Variants in ZC3H7B observed in about 807,000 individuals in gnomAD.
ZC3H7B encodes zinc finger CCCH domain-containing protein 7B.
Under a neutral mutation model 116.0 loss-of-function variants are expected in ZC3H7B, and 35 were observed. The ratio of observed to expected loss-of-function variants is 0.30; its 90% CI spans 0.23 to 0.40. The LOEUF (loss-of-function observed/expected upper bound fraction) is 0.40. ZC3H7B is among the 10% of genes least tolerant of loss of function. The pLI is 1.00. For synonymous variants in ZC3H7B, 502 were observed against 545.6 expected, an observed-to-expected ratio of 0.92 and a Z score of 1.11; for missense variants, 1,011 against 1,321.5, an observed-to-expected ratio of 0.77 and a Z score of 3.64.
rs1211748269 is a variant in ZC3H7B at position 41,346,644 on chromosome 22, T to C, written c.1665+436T>C. 6.6e-6 allele frequency among the ~76,000 whole-genome samples: 1 copy of C among 151,904 alleles called. No homozygotes were observed. Among genetic ancestry groups the C allele is most frequent in the Non-Finnish European group, 1.5e-5 (1 of 67,960 alleles). The stretch of plus-strand genomic sequence containing the variant: ...CAGCCTGGCCAACACGGTGAAACCC[T>C]GTCTCTACTAAAAATACAAAAATTA... On this transcript the variant is annotated intron_variant, in intron 14 of 22. Transcript: ENST00000352645. This position sits in a 1 kb window ranked among gnomAD's most constrained non-coding sequence, Gnocchi z 5.3.
intron 14 of ZC3H7B, among the ~76,000 whole-genome samples, chr22:41,347,340 T>A (rs1946305783): frequency 6.6e-6 from 1 of 152,252 alleles, no homozygotes; most frequent in Non-Finnish European, 1.5e-5. Flanking sequence ...TCCTCGGCCC[T>A]CCTGGCTTCA....
At chr22:41,309,420 T>C (rs2036090308) in intron 1 of ZC3H7B, among the ~76,000 whole-genome samples, 1 of 151,960 alleles carries the variant, frequency 6.6e-6, no homozygotes, top group East Asian at 1.9e-4. Flanking sequence ...TTCAAGTGAT[T>C]CTCCTGCCTT....
intron 21 of ZC3H7B, 52 bp from the exon 22 acceptor site, chr22:41,356,592 TG>T: frequency 6.2e-7 from 1 of 1,610,350 alleles, no homozygotes; most frequent in South Asian, 1.1e-5. Context: ...CCGAGGTGGG[TG>T]GTCCGGGCAG....
Position 41,338,970 on chromosome 22 carries a change from C to T in ZC3H7B, c.626-31C>T, listed in dbSNP as rs750160801. On this transcript the variant is annotated intron_variant, in intron 8 of 22. Transcript: ENST00000352645. This position sits in a 1 kb window ranked among gnomAD's most constrained non-coding sequence, Gnocchi z 4.5. ...TCCTCCACCCTCACCAAGCAGTGCT[C>T]CCCTTCGGCTCTTGCCCACCCCATC... 2.6e-6 allele frequency: 4 copies of T among 1,513,140 alleles called. No homozygotes were observed. The highest frequency in any genetic ancestry group is 4.0e-5 in the Admixed American group (2 of 49,564). 93.7% of individuals were successfully genotyped at this position (1,513,140 alleles called of 1,614,324 possible). A position where few individuals can be genotyped will look rare whatever the true frequency, so the allele number is the denominator to read the frequency against.
chr22:41,339,125 C>A lies in ZC3H7B; in HGVS notation c.750C>A (p.Asp250Glu). ...GCAGCAGGACCCTCCCCAGCACCGA[C>A]AGCCTGGATGACTTCTCAGACGGGG... ...LDSSRTLPST[D>E]SLDDFSDGDV... Residue 250 changes from aspartate (D) to glutamate (E), a missense_variant, in exon 9 of 23, where the codon GAC becomes GAA. By Grantham distance (45) the Asp-to-Glu change is conservative. Around this residue, in one of 5 missense-constraint regions of ZC3H7B, gnomAD observed 322 missense variants for 443.9 expected, o/e 0.73. Coordinates refer to ENST00000352645, the MANE Select transcript of ZC3H7B (RefSeq NM_017590.6). The A allele has an allele frequency of 1.9e-6, 3 of 1,613,096 alleles. No individual in the cohort carries two copies. The highest frequency in any genetic ancestry group is 2.2e-5 in the East Asian group (1 of 44,848).
chr22:41,319,290 A>G (rs1186722920), intron 1 of ZC3H7B, among the ~76,000 whole-genome samples: 3 of 152,150 alleles, frequency 2.0e-5, no homozygotes, highest in Non-Finnish European at 2.9e-5. Context: ...AGTCCTAGCT[A>G]CTCAGGAGGC....
rs1216532756 is a variant in ZC3H7B, at chr22:41,338,398, C to T, written c.625+43C>T. The T allele has an allele frequency of 1.1e-5, 17 of 1,606,284 alleles. No homozygotes were observed. The highest frequency in any genetic ancestry group is 1.2e-5 in the Non-Finnish European group (14 of 1,176,098). Reference sequence around the variant, plus strand: ...AGGGAACAAGTGGAAATTGGGGCCCCGAGAGGTCAGGGGAGTCGAGCCCCC... The same window carrying T: ...AGGGAACAAGTGGAAATTGGGGCCCTGAGAGGTCAGGGGAGTCGAGCCCCC... On this transcript the variant is annotated intron_variant, in intron 8 of 22. Transcript: ENST00000352645. This position sits in a 1 kb window ranked among gnomAD's most constrained non-coding sequence, Gnocchi z 4.5.
intron 1 of ZC3H7B, among the ~76,000 whole-genome samples, chr22:41,313,304 A>G (rs945948162): frequency 1.3e-5 from 2 of 151,950 alleles, no homozygotes; most frequent in African/African-American, 4.8e-5. Flanking sequence ...TATTTTTAGT[A>G]GAGATGGGGT....
chr22:41,352,070 A>G (rs947584318), intron 17 of ZC3H7B, among the ~76,000 whole-genome samples: 7 of 152,204 alleles, frequency 4.6e-5, no homozygotes, highest in African/African-American at 1.7e-4. Flanking sequence ...TCCTGGGCTC[A>G]AGCAATCCTC....
At chr22:41,355,191 G>C (rs1194441835) in intron 17 of ZC3H7B, among the ~76,000 whole-genome samples, 1 of 152,220 alleles carries the variant, frequency 6.6e-6, no homozygotes, top group Non-Finnish European at 1.5e-5. Context: ...GCGGAACGGA[G>C]CTTTGCCATG....
At chr22:41,315,397 C>G (rs889727237) in intron 1 of ZC3H7B, among the ~76,000 whole-genome samples, 64 of 132,850 alleles carry the variant, frequency 4.8e-4, no homozygotes, top group African/African-American at 1.7e-3. Context: ...GCTATGTTGC[C>G]TGGGCTGGTT....
chr22:41,329,918 T>C (rs1384617853), intron 5 of ZC3H7B, 105 bp from the exon 6 acceptor site: 4 of 1,149,792 alleles, frequency 3.5e-6, no homozygotes, highest in Non-Finnish European at 4.9e-6. Flanking sequence ...ATCTATAACA[T>C]GGGGTGACTA....
At chr22:41,324,380 C>G (rs2036292867) in intron 2 of ZC3H7B, among the ~76,000 whole-genome samples, 1 of 152,226 alleles carries the variant, frequency 6.6e-6, no homozygotes, top group Non-Finnish European at 1.5e-5. Context: ...CTAGGCCACT[C>G]TTTCCTGCCC....
rs2036657393 is a variant in ZC3H7B at position 41,351,798 on chromosome 22, G to A, written c.2034+152G>A. On this transcript the variant is annotated intron_variant, in intron 17 of 22. Coordinates refer to ENST00000352645, the MANE Select transcript of ZC3H7B (RefSeq NM_017590.6). This position sits in a 1 kb window ranked among gnomAD's most constrained non-coding sequence, Gnocchi z 5.1. ...GTAACTTGGATAATGTACACATTCA[G>A]CTGTTGTGTCTCATTTTATTTTATT... The A allele has an allele frequency of 1.5e-6, 1 of 678,198 alleles. No individual in the cohort carries two copies. Among genetic ancestry groups the A allele is most frequent in the South Asian group, 2.0e-5 (1 of 50,004 alleles). 42.0% of individuals were successfully genotyped at this position (678,198 alleles called of 1,614,324 possible).
chr22:41,355,746 C>T lies in ZC3H7B; in HGVS notation c.2169-11C>T, dbSNP rs773525748. ...GCCCTGACCTCTCCCCAACCCTGCT[C>T]TGTCCTGCAGCTGGACCAAGGAGCG... On this transcript the variant is annotated splice_polypyrimidine_tract_variant and intron_variant, in intron 18 of 22. Transcript: ENST00000352645. The T allele has an allele frequency of 2.5e-6, 4 of 1,613,930 alleles. No individual in the cohort carries two copies. The East Asian group carries it at 8.9e-5, about 36-fold the overall frequency.
At chr22:41,348,190 G>A in intron 15 of ZC3H7B, 23 bp downstream of exon 15, 2 of 1,608,294 alleles carry the variant, frequency 1.2e-6, no homozygotes, top group Middle Eastern at 1.7e-4. Context: ...CTCAGCCCAG[G>A]CTGAGGCCTA....
At position 41,302,088 on chromosome 22, in the gene ZC3H7B, G is replaced by T. The variant is rs1033330077; in HGVS notation, c.-7+316G>T. Among the ~76,000 whole-genome samples the T allele has an allele frequency of 5.3e-5, 8 of 152,088 alleles. No individual in the cohort carries two copies. Among genetic ancestry groups the T allele is most frequent in the Non-Finnish European group, 1.0e-4 (7 of 67,986 alleles). ...GACTTGGCCGCCCCTGCAGCCCCCA[G>T]GAGGTGTCTTGAAATTTTCGTGGGG... On this transcript the variant is annotated intron_variant, in intron 1 of 22. Transcript: ENST00000352645. The surrounding 1 kb of genome is among the most constrained non-coding windows in gnomAD (Gnocchi z 5.7).
At chr22:41,317,530 C>G (rs1038538180) in intron 1 of ZC3H7B, among the ~76,000 whole-genome samples, 1 of 152,084 alleles carries the variant, frequency 6.6e-6, no homozygotes, top group South Asian at 2.1e-4. Flanking sequence ...TGGCTCATGC[C>G]TATATTCCCA....
At chr22:41,331,813 G>C (rs930499941) in intron 6 of ZC3H7B, among the ~76,000 whole-genome samples, 4 of 152,276 alleles carry the variant, frequency 2.6e-5, no homozygotes, top group African/African-American at 9.6e-5. Context: ...CAAGGCTGCA[G>C]AGAGCCGAGA....
Sources: allele counts gnomAD v4.1 joint callset (sites outside exome capture counted in the v4.1 genomes callset), GRCh38; gene constraint gnomAD v4.1.1; regional missense constraint gnomAD v4.1.1; non-coding constraint Gnocchi (gnomAD v3.1); transcripts MANE v1.5; gene names NCBI Gene and HGNC (gene_info 2026-07-23, HGNC 2026-07-21).